ANKRD23: variants seen among roughly 807,000 people sequenced by gnomAD.
The protein encoded by ANKRD23 is ankyrin repeat domain 23, also known as ankyrin repeat domain-containing protein 23.
In ANKRD23, 52 loss-of-function variants were observed where a neutral mutation model predicts 38.1. That is an observed-to-expected ratio of 1.36 (90% CI 1.09 to 1.72). The LOEUF (loss-of-function observed/expected upper bound fraction) is 1.72, where lower values mean the gene tolerates loss of function less well. ANKRD23 is among the 40% of genes most tolerant of loss of function. ANKRD23 has a pLI of 0.00. For synonymous variants in ANKRD23, 167 were observed against 162.9 expected (o/e 1.03, Z -0.19); for missense variants, 416 against 400.2 (o/e 1.04, Z -0.34).
chr2:96,838,568 A>AG lies in ANKRD23; in HGVS notation c.*980dup, dbSNP rs1293280852. ...CCTGGCCTCCCAGGTGGGATCAAGC[A>AG]GGGTGGGTGCAGCTGCAGCGTTCCA... On this transcript the variant is annotated 3_prime_UTR_variant, in exon 9 of 9. Transcript: ENST00000318357. 1.0e-6 allele frequency: 1 copy of AG among 985,806 alleles called. No homozygotes were observed. The allele number at this position is 985,806 out of a possible 1,614,324, so 61.1% of individuals were successfully genotyped here.
chr2:96,842,365 T>TTTC lies in ANKRD23; in HGVS notation c.171_173dup (p.Lys58dup). 8.7e-7 allele frequency: 1 copy of TTTC among 1,152,220 alleles called. No homozygotes were observed. The highest frequency in any genetic ancestry group is 2.4e-5 in the African/African-American group (1 of 42,520). 71.4% of individuals were successfully genotyped at this position (1,152,220 alleles called of 1,614,324 possible). On this transcript the variant is annotated inframe_insertion and splice_region_variant, in exon 2 of 9. Transcript: ENST00000318357. The stretch of plus-strand genomic sequence containing the variant: ...ACCCCGGCCCCCGCCCCTCTCTCAC[T>TTTC]TTCTTCTTCTTCTCTTCTTCCAATT...
Position 96,843,955 on chromosome 2 carries a change from C to T in ANKRD23, c.27+11G>A. The T allele has an allele frequency of 6.2e-7, 1 of 1,607,426 alleles. No individual in the cohort carries two copies. The highest frequency in any genetic ancestry group is 8.5e-7 in the Non-Finnish European group (1 of 1,177,140). ...CCCAGGGTGCCTCCCACCTCCGTCC[C>T]ACATCCTTACCAACTGCTGAATGCT... On this transcript the variant is annotated intron_variant, in intron 1 of 8. Transcript: ENST00000318357.
chr2:96,839,900 T>A, intron 7 of ANKRD23, 75 bp from the exon 8 acceptor site: 1 of 1,553,522 alleles, frequency 6.4e-7, no homozygotes, highest in African/African-American at 1.4e-5. Flanking sequence ...AGGGCTGCTG[T>A]CACCGAGCAG....
Position 96,838,773 on chromosome 2 carries a change from A to G in ANKRD23, c.*776T>C, listed in dbSNP as rs1574125912. 2 of 985,500 alleles carry G rather than the reference A, an allele frequency of 2.0e-6. No homozygotes were observed. The highest frequency in any genetic ancestry group is 4.7e-5 in the South Asian group (1 of 21,296). 61.0% of individuals were successfully genotyped at this position (985,500 alleles called of 1,614,324 possible). Reference sequence around the variant, plus strand: ...GTGCCAGGCCGGCCTGAGCGGGGCCAGTACACAGTGGGTGCGAGGCTTCTC... The same window carrying G: ...GTGCCAGGCCGGCCTGAGCGGGGCCGGTACACAGTGGGTGCGAGGCTTCTC... On this transcript the variant is annotated 3_prime_UTR_variant, in exon 9 of 9. Transcript: ENST00000318357.
chr2:96,842,453 G>A lies in ANKRD23; in HGVS notation c.86C>T (p.Pro29Leu). The A allele has an allele frequency of 6.2e-7, 1 of 1,613,982 alleles. No homozygotes were observed. The highest frequency in any genetic ancestry group is 1.7e-5 in the Admixed American group (1 of 60,006). The change falls in exon 2 of 9, where the codon CCT becomes CTT. Residue 29 changes from proline (P) to leucine (L), a missense_variant. Transcript: ENST00000318357. ...CCTCCAGTCACTAGGCCAGGCTCCA[G>A]GGTCAGGAACTCCATGTCCAAATCC... is the stretch of plus-strand genomic sequence containing the variant. ...VLGFGHGVPD[P>L]GAWPSDWRRG...
intron 7 of ANKRD23, 63 bp downstream of exon 7, chr2:96,839,934 G>A (rs1028110905): frequency 1.9e-6 from 3 of 1,549,450 alleles, no homozygotes; most frequent in Non-Finnish European, 2.6e-6. Flanking sequence ...TCCTGGCTGG[G>A]GCTCCTCAGT....
At chr2:96,840,572 C>G in intron 4 of ANKRD23, 58 bp from the exon 5 acceptor site, 8 of 1,581,614 alleles carry the variant, frequency 5.1e-6, no homozygotes, top group Non-Finnish European at 6.9e-6. Context: ...AGAGACCCCA[C>G]GCGGTCCCCT....
intron 3 of ANKRD23, 192 bp from the exon 4 acceptor site, chr2:96,841,104 T>C: frequency 1.6e-6 from 1 of 643,178 alleles, no homozygotes; most frequent in South Asian, 2.2e-5. Flanking sequence ...AGCGTGTGTG[T>C]TATGGATTGA....
At position 96,839,788 on chromosome 2, in the gene ANKRD23, CCGTGCCGCACGGCCTCG is replaced by C; in HGVS notation, c.744_760del (p.His248GlnfsTer244). 1 of 1,613,392 alleles carries C rather than the reference CCGTGCCGCACGGCCTCG, an allele frequency of 6.2e-7. No homozygotes were observed. Among genetic ancestry groups the C allele is most frequent in the Non-Finnish European group, 8.5e-7 (1 of 1,179,948 alleles). On this transcript the variant is annotated frameshift_variant, in exon 8 of 9. Transcript: ENST00000318357. LOFTEE classifies it high-confidence loss of function. ...CAGTAGCTTCATGGCTTTGTAGCTG[CCGTGCCGCACGGCCTCG>C]TGCAGAGCCGTGTCCCCTTCCTGCT... is the stretch of plus-strand genomic sequence containing the variant.
chr2:96,839,944 T>A, intron 7 of ANKRD23, 53 bp downstream of exon 7: 1 of 1,549,718 alleles, frequency 6.5e-7, no homozygotes, highest in Non-Finnish European at 8.7e-7. Context: ...GGCTCCTCAG[T>A]CCCTGCTCCT....
At chr2:96,843,365 C>T (rs776350504) in intron 1 of ANKRD23, among the ~76,000 whole-genome samples, 1 of 152,124 alleles carries the variant, frequency 6.6e-6, no homozygotes, top group Non-Finnish European at 1.5e-5. Context: ...TCACTCAAAC[C>T]GACATCCCTA....
At chr2:96,839,930 C>A in intron 7 of ANKRD23, 67 bp downstream of exon 7, 1 of 1,549,732 alleles carries the variant, frequency 6.5e-7, no homozygotes, top group Non-Finnish European at 8.7e-7. Flanking sequence ...CTGGTCCTGG[C>A]TGGGGCTCCT....
chr2:96,843,938 GCCTCCCA>G, intron 1 of ANKRD23, 21 bp downstream of exon 1: 1 of 1,599,062 alleles, frequency 6.3e-7, no homozygotes, highest in African/African-American at 1.3e-5. Context: ...GTCCCAGGGT[GCCTCCCA>G]CCTCCGTCCC....
rs937143055 is a variant in ANKRD23, at chr2:96,838,864, T to C, written c.*685A>G. The C allele has an allele frequency of 2.0e-5, 20 of 985,416 alleles. No individual in the cohort carries two copies. Among genetic ancestry groups the C allele is most frequent in the African/African-American group, 3.5e-5 (2 of 57,244 alleles). 61.0% of individuals were successfully genotyped at this position (985,416 alleles called of 1,614,324 possible). On this transcript the variant is annotated 3_prime_UTR_variant, in exon 9 of 9. Coordinates refer to ENST00000318357, the MANE Select transcript of ANKRD23 (RefSeq NM_144994.8). Reference sequence around the variant, plus strand: ...GGCAACCTAGTGGGTCCTGGACTTCTGTTGCTGTGGGGCCTCAAACCTGTT... The same window carrying C: ...GGCAACCTAGTGGGTCCTGGACTTCCGTTGCTGTGGGGCCTCAAACCTGTT...
At chr2:96,843,402 G>A (rs1277830215) in intron 1 of ANKRD23, among the ~76,000 whole-genome samples, 2 of 152,114 alleles carry the variant, frequency 1.3e-5, no homozygotes, top group Admixed American at 1.3e-4. Context: ...TCACTGCCCA[G>A]GGAGCGAAAG....
chr2:96,840,380 G>C, intron 5 of ANKRD23, 36 bp downstream of exon 5: 1 of 1,611,558 alleles, frequency 6.2e-7, no homozygotes. Context: ...GTGAAGCTGG[G>C]CGTCGACCAG....
chr2:96,842,493 C>CA lies in ANKRD23; in HGVS notation c.45dup (p.Glu16Ter). 2 of 1,613,888 alleles carry CA rather than the reference C, an allele frequency of 1.2e-6. No homozygotes were observed. The highest frequency in any genetic ancestry group is 2.2e-5 in the South Asian group (2 of 91,048). ...TGTCCAAATCCCAACACTTTCCCTT[C>CA]AACTCTTTCTCCACTTACCTGTAGG... On this transcript the variant is annotated frameshift_variant, in exon 2 of 9. Transcript: ENST00000318357. LOFTEE classifies it high-confidence loss of function.
Position 96,840,405 on chromosome 2 carries a change from C to G in ANKRD23, c.525+11G>C. ...GCGTCGACCAGAGGCTGGGCCTTTCCCCATCCTCACCAAGTCTCGCGCGTC... is the reference window on the plus strand; with the variant it reads ...GCGTCGACCAGAGGCTGGGCCTTTCGCCATCCTCACCAAGTCTCGCGCGTC... On this transcript the variant is annotated intron_variant, in intron 5 of 8. Transcript: ENST00000318357. 6.2e-7 allele frequency: 1 copy of G among 1,613,912 alleles called. No individual in the cohort carries two copies. The highest frequency in any genetic ancestry group is 8.5e-7 in the Non-Finnish European group (1 of 1,179,958).
chr2:96,838,548 C>T lies in ANKRD23; in HGVS notation c.*1001G>A, dbSNP rs577050881. On this transcript the variant is annotated 3_prime_UTR_variant, in exon 9 of 9. Coordinates refer to ENST00000318357, the MANE Select transcript of ANKRD23 (RefSeq NM_144994.8). ...GGTTCAGAGCTCCTCAGTGTCCTGG[C>T]CTCCCAGGTGGGATCAAGCAGGGTG... The T allele has an allele frequency of 1.0e-4, 102 of 985,920 alleles. 1 individual carries two copies. In the South Asian group the frequency reaches 4.5e-3, roughly 44 times the overall value. 61.1% of individuals were successfully genotyped at this position (985,920 alleles called of 1,614,324 possible). A position where few individuals can be genotyped will look rare whatever the true frequency, so the allele number is the denominator to read the frequency against.
Sources: allele counts gnomAD v4.1 joint callset (sites outside exome capture counted in the v4.1 genomes callset), GRCh38; gene constraint gnomAD v4.1.1; transcripts MANE v1.5; gene names NCBI Gene and HGNC (gene_info 2026-07-23, HGNC 2026-07-21).